Variants in CACNA1D observed in about 807,000 individuals in gnomAD.
CACNA1D encodes calcium voltage-gated channel subunit alpha1 D.
Under a neutral mutation model 257.1 loss-of-function variants are expected in CACNA1D, and 55 were observed. The ratio of observed to expected loss-of-function variants is 0.21; its 90% CI spans 0.17 to 0.27. The LOEUF is 0.27. Among genes scored for constraint, CACNA1D ranks in the 10% least tolerant of loss-of-function variants. The pLI is 1.00. For synonymous variants in CACNA1D, 980 were observed against 1,014.9 expected (o/e 0.97, Z 0.65); for missense variants, 1,876 against 2,784.0 (o/e 0.67, Z 7.34).
chr3:53,806,221 C>G (rs1166944321), intron 45 of CACNA1D, among the ~76,000 whole-genome samples: 2 of 147,944 alleles, frequency 1.4e-5, no homozygotes, highest in African/African-American at 2.5e-5. Context: ...CCCTCCTCCC[C>G]CTTCCTCTCC....
chr3:53,687,767 T>C (rs2094485870), intron 8 of CACNA1D, among the ~76,000 whole-genome samples: 1 of 152,132 alleles, frequency 6.6e-6, no homozygotes, highest in Admixed American at 6.5e-5. Flanking sequence ...AACTAGATAA[T>C]AGATGAGCAA....
chr3:53,605,649 G>A (rs1465243903), intron 3 of CACNA1D, among the ~76,000 whole-genome samples: 2 of 152,168 alleles, frequency 1.3e-5, no homozygotes, highest in African/African-American at 4.8e-5. Context: ...TTAAGACATG[G>A]CGATCCAAAA....
chr3:53,766,259 G>A (rs1033127810), intron 30 of CACNA1D: 5 of 152,242 alleles, frequency 3.3e-5, no homozygotes, highest in East Asian at 1.9e-4. Flanking sequence ...CAGTAAGGTT[G>A]TGTAGTCCCC....
At chr3:53,733,344 A>G (rs902310113) in intron 19 of CACNA1D, among the ~76,000 whole-genome samples, 1 of 152,178 alleles carries the variant, frequency 6.6e-6, no homozygotes, top group East Asian at 1.9e-4. Context: ...AATTTTTCCT[A>G]ATGAGTGGAT....
chr3:53,687,876 C>G (rs553970227), intron 8 of CACNA1D, among the ~76,000 whole-genome samples: 57 of 152,276 alleles, frequency 3.7e-4, no homozygotes, highest in Admixed American at 1.4e-3. Context: ...CAGGGAAGTA[C>G]AAGTTAAGAA....
intron 3 of CACNA1D, among the ~76,000 whole-genome samples, chr3:53,637,900 A>C (rs1213705973): frequency 6.6e-6 from 1 of 152,232 alleles, no homozygotes; most frequent in Non-Finnish European, 1.5e-5. Context: ...ATGATGAATT[A>C]TGTGCATGGA....
At chr3:53,684,814 A>C (rs1417864691) in intron 8 of CACNA1D, among the ~76,000 whole-genome samples, 1 of 152,286 alleles carries the variant, frequency 6.6e-6, no homozygotes. Flanking sequence ...CACTGTGATA[A>C]AGTTACTACA....
chr3:53,655,609 C>A (rs1338140261), intron 4 of CACNA1D, among the ~76,000 whole-genome samples: 13 of 152,278 alleles, frequency 8.5e-5, no homozygotes, highest in Admixed American at 8.5e-4. Flanking sequence ...ACATGTATGT[C>A]TTTTGAATAG....
chr3:53,597,775 A>G (rs944267352), intron 3 of CACNA1D, among the ~76,000 whole-genome samples: 15 of 152,050 alleles, frequency 9.9e-5, no homozygotes, highest in African/African-American at 3.4e-4. Context: ...GGGAGCTGCA[A>G]CTCCAGCCTT....
At chr3:53,537,071 C>T (rs1417753094) in intron 3 of CACNA1D, among the ~76,000 whole-genome samples, 3 of 152,188 alleles carry the variant, frequency 2.0e-5, no homozygotes, top group African/African-American at 7.2e-5. Flanking sequence ...AGTTAAAATG[C>T]ACATGCTAAT....
Position 53,710,670 on chromosome 3 carries a change from T to C in CACNA1D, c.1391-7631T>C, listed in dbSNP as rs186912055. On this transcript the variant is annotated intron_variant, in intron 9 of 47. Coordinates refer to ENST00000350061, the MANE Select transcript of CACNA1D (RefSeq NM_001128840.3). ...TACCAAGATAGCATTGCAGTTTTCT[T>C]TTTGTTTGAACTGTACCTTATAAAG... is the stretch of plus-strand genomic sequence containing the variant. 3.9e-3 allele frequency among the ~76,000 whole-genome samples: 595 copies of C among 152,182 alleles called. 6 individuals are homozygous for C. The highest frequency in any genetic ancestry group is 5.2e-3 in the Non-Finnish European group (353 of 68,008).
At chr3:53,542,202 CA>C (rs1189833591) in intron 3 of CACNA1D, among the ~76,000 whole-genome samples, 1 of 144,580 alleles carries the variant, frequency 6.9e-6, no homozygotes, top group African/African-American at 2.9e-5. Context: ...GCAAAAAATG[CA>C]GGTTTTTTTT....
At chr3:53,519,272 C>T (rs562241448) in intron 3 of CACNA1D, among the ~76,000 whole-genome samples, 1 of 152,296 alleles carries the variant, frequency 6.6e-6, no homozygotes, top group African/African-American at 2.4e-5. Flanking sequence ...GCTTCACTTG[C>T]CAGCAGGGCG....
At chr3:53,639,310 G>A (rs1309730159) in intron 3 of CACNA1D, among the ~76,000 whole-genome samples, 1 of 151,910 alleles carries the variant, frequency 6.6e-6, no homozygotes, top group Non-Finnish European at 1.5e-5. Context: ...GTTGGAAAGT[G>A]ATAACTGTCC....
intron 8 of CACNA1D, among the ~76,000 whole-genome samples, chr3:53,691,165 G>C (rs1345175949): frequency 2.7e-5 from 4 of 146,062 alleles, no homozygotes; most frequent in South Asian, 4.3e-4. Flanking sequence ...TTTTTTTTGG[G>C]GGGGAGATGG....
In CACNA1D at chr3:53,811,450, A is replaced by C; in HGVS notation, c.*44A>C. On this transcript the variant is annotated 3_prime_UTR_variant, in exon 48 of 48. Transcript: ENST00000350061. This position sits in a 1 kb window ranked among gnomAD's most constrained non-coding sequence, Gnocchi z 4.2. ...CTGGCTCTGGCCTCAGGTGGGGCGC[A>C]GGAGAGCCAGGGGAAAAGTGCCTCA... is the stretch of plus-strand genomic sequence containing the variant. 1 of 1,477,632 alleles carries C rather than the reference A, an allele frequency of 6.8e-7. No individual in the cohort carries two copies. The highest frequency in any genetic ancestry group is 1.4e-5 in the South Asian group (1 of 72,106). The allele number at this position is 1,477,632 out of a possible 1,614,324, so 91.5% of individuals were successfully genotyped here. A position where few individuals can be genotyped will look rare whatever the true frequency, so the allele number is the denominator to read the frequency against.
intron 3 of CACNA1D, among the ~76,000 whole-genome samples, chr3:53,617,207 G>T (rs1018938153): frequency 3.3e-5 from 5 of 152,166 alleles, no homozygotes; most frequent in Non-Finnish European, 5.9e-5. Flanking sequence ...CCATACCTCT[G>T]TGTAGGGCTT....
At chr3:53,734,707 G>A (rs2095040794) in intron 19 of CACNA1D, among the ~76,000 whole-genome samples, 1 of 152,130 alleles carries the variant, frequency 6.6e-6, no homozygotes, top group East Asian at 1.9e-4. Context: ...GCCGGGCCAT[G>A]AGATCCTTGC....
chr3:53,525,963 G>A (rs1336669440), intron 3 of CACNA1D, among the ~76,000 whole-genome samples: 1 of 152,184 alleles, frequency 6.6e-6, no homozygotes, highest in Non-Finnish European at 1.5e-5. Context: ...TCCACTTCCT[G>A]TATGTTGATT....
Sources: allele counts gnomAD v4.1 joint callset (sites outside exome capture counted in the v4.1 genomes callset), GRCh38; gene constraint gnomAD v4.1.1; non-coding constraint Gnocchi (gnomAD v3.1); transcripts MANE v1.5; gene names NCBI Gene and HGNC (gene_info 2026-07-23, HGNC 2026-07-21).